Variants in MEIKIN observed in about 807,000 individuals in gnomAD.
MEIKIN encodes meiosis-specific kinetochore protein.
chr5:131,939,832 C>G (rs1050401152), intron 4 of MEIKIN, among the ~76,000 whole-genome samples: 2 of 152,136 alleles, frequency 1.3e-5, no homozygotes, highest in Non-Finnish European at 2.9e-5. Context: ...ACTTGATAAA[C>G]CTAGTAATCA....
At chr5:131,819,042 T>C (rs896233429) in intron 11 of MEIKIN, among the ~76,000 whole-genome samples, 179 bp from the exon 12 acceptor site, 5 of 152,190 alleles carry the variant, frequency 3.3e-5, no homozygotes, top group African/African-American at 1.2e-4. Context: ...TATGTTCATT[T>C]AATATTCACA....
intron 9 of MEIKIN, among the ~76,000 whole-genome samples, chr5:131,862,846 AC>A (rs1750311082): frequency 6.6e-6 from 1 of 152,104 alleles, no homozygotes; most frequent in South Asian, 2.1e-4. Context: ...ACAGACATGC[AC>A]CACCATGCCT....
At chr5:131,871,850 T>A (rs1183780420) in intron 9 of MEIKIN, among the ~76,000 whole-genome samples, 1 of 152,152 alleles carries the variant, frequency 6.6e-6, no homozygotes. Context: ...CAATATCCGA[T>A]GTTCTGCAGC....
chr5:131,820,855 T>C (rs1259323454), intron 11 of MEIKIN, among the ~76,000 whole-genome samples: 1 of 152,216 alleles, frequency 6.6e-6, no homozygotes, highest in African/African-American at 2.4e-5. Context: ...GTATTCATTG[T>C]AATGTTCCTT....
intron 11 of MEIKIN, among the ~76,000 whole-genome samples, chr5:131,819,766 T>TC (rs1749454289): frequency 1.3e-5 from 1 of 77,258 alleles, no homozygotes; most frequent in Non-Finnish European, 2.3e-5. Flanking sequence ...CATCCAGCTA[T>TC]TTTTTTTTTT....
chr5:131,818,446 G>A (rs1459915620), intron 12 of MEIKIN, among the ~76,000 whole-genome samples: 2 of 151,808 alleles, frequency 1.3e-5, no homozygotes, highest in Non-Finnish European at 2.9e-5. Context: ...GAAGAGACAG[G>A]GTCTCTCTCT....
intron 3 of MEIKIN, among the ~76,000 whole-genome samples, chr5:131,944,042 A>T (rs1751919297): frequency 6.6e-6 from 1 of 151,412 alleles, no homozygotes; most frequent in Non-Finnish European, 1.5e-5. Context: ...GAGAGGCAGA[A>T]GCTGCAGTCA....
intron 11 of MEIKIN, among the ~76,000 whole-genome samples, chr5:131,823,380 C>T (rs1252494920): frequency 6.6e-6 from 1 of 151,490 alleles, no homozygotes; most frequent in Non-Finnish European, 1.5e-5. Flanking sequence ...ATTCTTTATT[C>T]TTTCTTCTTT....
At chr5:131,871,544 C>CT (rs1378900881) in intron 9 of MEIKIN, among the ~76,000 whole-genome samples, 2 of 152,252 alleles carry the variant, frequency 1.3e-5, no homozygotes, top group African/African-American at 4.8e-5. Context: ...GGAGGCCTGC[C>CT]TGCCTCTGTA....
At chr5:131,895,113 G>C (rs1325825155) in intron 8 of MEIKIN, among the ~76,000 whole-genome samples, 1 of 152,142 alleles carries the variant, frequency 6.6e-6, no homozygotes, top group African/African-American at 2.4e-5. Flanking sequence ...GTTGAATTTT[G>C]TCGAAGGCCT....
At chr5:131,879,794 T>G (rs935120845) in intron 8 of MEIKIN, among the ~76,000 whole-genome samples, 11 of 152,230 alleles carry the variant, frequency 7.2e-5, no homozygotes, top group African/African-American at 2.7e-4. Context: ...CCTTTTTATG[T>G]CTCTTCTTCA....
At chr5:131,931,489 G>C (rs1260158547) in intron 5 of MEIKIN, among the ~76,000 whole-genome samples, 3 of 152,162 alleles carry the variant, frequency 2.0e-5, no homozygotes, top group African/African-American at 4.8e-5. Flanking sequence ...ACCGAAATCA[G>C]TTCCCTCAGG....
chr5:131,829,966 C>CT (rs1388675806), intron 11 of MEIKIN, among the ~76,000 whole-genome samples: 2 of 152,178 alleles, frequency 1.3e-5, no homozygotes, highest in East Asian at 1.9e-4. Flanking sequence ...GTTTGTGGTT[C>CT]TTTGTTACAG....
intron 9 of MEIKIN, among the ~76,000 whole-genome samples, chr5:131,864,421 T>A (rs1406332574): frequency 6.6e-6 from 1 of 152,250 alleles, no homozygotes; most frequent in Non-Finnish European, 1.5e-5. Context: ...TTAGTAGTAA[T>A]GAATTTTCTC....
intron 8 of MEIKIN, among the ~76,000 whole-genome samples, chr5:131,904,762 C>G (rs2149640518): frequency 6.6e-6 from 1 of 152,260 alleles, no homozygotes; most frequent in East Asian, 1.9e-4. Context: ...CAATGATAGG[C>G]TGGATTAAGA....
At chr5:131,832,972 G>A (rs1347822884) in intron 11 of MEIKIN, among the ~76,000 whole-genome samples, 1 of 152,228 alleles carries the variant, frequency 6.6e-6, no homozygotes. Context: ...ACATGCCCTG[G>A]AGACATTTTC....
intron 11 of MEIKIN, among the ~76,000 whole-genome samples, chr5:131,847,456 A>G (rs1386601397): frequency 6.6e-6 from 1 of 152,116 alleles, no homozygotes; most frequent in African/African-American, 2.4e-5. Context: ...TGAATATTAT[A>G]TATTAATAAA....
intron 12 of MEIKIN, among the ~76,000 whole-genome samples, chr5:131,812,362 T>C (rs942799417): frequency 6.6e-6 from 1 of 152,156 alleles, no homozygotes; most frequent in Non-Finnish European, 1.5e-5. Flanking sequence ...ACACTGATGC[T>C]ATTAATATTC....
chr5:131,833,267 G>A (rs903921747), intron 11 of MEIKIN, among the ~76,000 whole-genome samples: 3 of 152,146 alleles, frequency 2.0e-5, no homozygotes, highest in Admixed American at 2.0e-4. Flanking sequence ...GCAAAATGCT[G>A]CCAGTATCCT....
Sources: allele counts gnomAD v4.1 joint callset (sites outside exome capture counted in the v4.1 genomes callset), GRCh38; gene constraint gnomAD v4.1.1; transcripts MANE v1.5; gene names NCBI Gene and HGNC (gene_info 2026-07-23, HGNC 2026-07-21).